GSAP: variants seen among roughly 807,000 people sequenced by gnomAD.
GSAP encodes gamma-secretase-activating protein.
GSAP carries 118 observed loss-of-function variants against 131.7 expected under a neutral mutation model. The observed-to-expected ratio is 0.90, with a 90% confidence interval of 0.77 to 1.04. The LOEUF (loss-of-function observed/expected upper bound fraction) is 1.04. Among genes scored for constraint, GSAP ranks in the 50% least tolerant of loss-of-function variants. GSAP has a pLI of 0.00. For missense variants in GSAP, 1,019 were observed against 1,013.2 expected, an observed-to-expected ratio of 1.01 and a Z score of -0.08; for synonymous variants, 381 against 363.4, an observed-to-expected ratio of 1.05 and a Z score of -0.55.
chr7:77,383,997 A>G (rs1798169995), intron 6 of GSAP, among the ~76,000 whole-genome samples: 1 of 152,256 alleles, frequency 6.6e-6, no homozygotes, highest in Non-Finnish European at 1.5e-5. Context: ...AATAAAGTCA[A>G]AATTATAAAA....
chr7:77,382,539 T>C (rs774410394), intron 7 of GSAP, 35 bp downstream of exon 7: 1 of 1,114,486 alleles, frequency 9.0e-7, no homozygotes, highest in African/African-American at 1.5e-5. Flanking sequence ...ATGCCATTCA[T>C]GAAATTCCCA....
chr7:77,320,865 G>T, intron 25 of GSAP, 46 bp from the exon 26 acceptor site: 1 of 1,152,520 alleles, frequency 8.7e-7, no homozygotes, highest in Non-Finnish European at 1.3e-6. Context: ...GAGCTCATCT[G>T]TGATGCTCCA....
chr7:77,323,188 T>C (rs1354925371), intron 24 of GSAP, among the ~76,000 whole-genome samples: 1 of 152,174 alleles, frequency 6.6e-6, no homozygotes, highest in Non-Finnish European at 1.5e-5. Flanking sequence ...GGCTACCAGG[T>C]AAGGAACTGC....
At chr7:77,366,656 G>A (rs908516895) in intron 12 of GSAP, among the ~76,000 whole-genome samples, 1 of 152,062 alleles carries the variant, frequency 6.6e-6, no homozygotes, top group Non-Finnish European at 1.5e-5. Context: ...GTTTGAAGTT[G>A]GGTAACATGA....
At chr7:77,348,936 C>CTGTG (rs143107394) in intron 19 of GSAP, among the ~76,000 whole-genome samples, 74 of 151,080 alleles carry the variant, frequency 4.9e-4, no homozygotes, top group Admixed American at 1.3e-3. Flanking sequence ...ACTGGAAATT[C>CTGTG]TGTGTGTGTG....
At chr7:77,350,125 G>A (rs549843946) in intron 18 of GSAP, among the ~76,000 whole-genome samples, 43 of 151,820 alleles carry the variant, frequency 2.8e-4, no homozygotes, top group Admixed American at 8.5e-4. Flanking sequence ...CCTTTGTAGG[G>A]ACATGGATGA....
chr7:77,401,229 A>G (rs1161447490), intron 3 of GSAP, among the ~76,000 whole-genome samples: 1 of 152,182 alleles, frequency 6.6e-6, no homozygotes, highest in Non-Finnish European at 1.5e-5. Flanking sequence ...GCAAGAGACT[A>G]CAGATTCAAT....
intron 3 of GSAP, among the ~76,000 whole-genome samples, chr7:77,402,612 A>AG: frequency 6.9e-6 from 1 of 144,640 alleles, no homozygotes; most frequent in Non-Finnish European, 1.5e-5. Context: ...AAAAAAAAAA[A>AG]AAAAGAATTT....
intron 6 of GSAP, among the ~76,000 whole-genome samples, chr7:77,386,381 T>C (rs6975666): frequency 0.36 from 55,228 of 152,008 alleles, 10,593 homozygotes; most frequent in East Asian, 0.51. Flanking sequence ...CTTTCAGGAT[T>C]TCAACATTCA....
chr7:77,330,311 C>A lies in GSAP; in HGVS notation c.1602G>T (p.Lys534Asn), dbSNP rs1292667034. The change falls in exon 20 of 31, where the codon AAG becomes AAT. Residue 534 changes from lysine (K) to asparagine (N), a missense_variant. Physicochemically the swap from Lys to Asn is moderately conservative, Grantham distance 94. Coordinates refer to ENST00000257626, the MANE Select transcript of GSAP (RefSeq NM_017439.4). Reference sequence around the variant, plus strand: ...TATAGTGGAAGTGTGGCTTGGCGTACTTAACATATTCTAGGTTGGAGTTCA... The same window carrying A: ...TATAGTGGAAGTGTGGCTTGGCGTAATTAACATATTCTAGGTTGGAGTTCA... ...EKLNSNLEYV[K>N]YAKPHFHYNN... 12 of 1,613,962 alleles carry A rather than the reference C, an allele frequency of 7.4e-6. No individual in the cohort carries two copies. The highest frequency in any genetic ancestry group is 6.7e-5 in the Admixed American group (4 of 60,008).
chr7:77,404,481 T>C (rs1801904627), intron 3 of GSAP, 78 bp downstream of exon 3: 5 of 765,452 alleles, frequency 6.5e-6, no homozygotes, highest in South Asian at 1.6e-5. Context: ...AAAGTTGGAA[T>C]TTATATCTAG....
intron 2 of GSAP, 151 bp from the exon 3 acceptor site, chr7:77,404,766 T>C: frequency 3.2e-6 from 2 of 622,424 alleles, no homozygotes; most frequent in Non-Finnish European, 5.8e-6. Context: ...CTGAATCCAG[T>C]TCAGCTAGTC....
At chr7:77,338,506 G>T (rs953673413) in intron 19 of GSAP, among the ~76,000 whole-genome samples, 1 of 152,124 alleles carries the variant, frequency 6.6e-6, no homozygotes, top group Non-Finnish European at 1.5e-5. Flanking sequence ...CCATAAACTG[G>T]ATGGCTTATC....
chr7:77,348,754 T>C (rs560174861), intron 19 of GSAP, among the ~76,000 whole-genome samples: 7 of 152,326 alleles, frequency 4.6e-5, no homozygotes, highest in Non-Finnish European at 7.3e-5. Context: ...TCCAAAACTA[T>C]TGTGAAGCCA....
At chr7:77,318,210 C>CT (rs1329301760) in intron 26 of GSAP, among the ~76,000 whole-genome samples, 4 of 152,320 alleles carry the variant, frequency 2.6e-5, no homozygotes, top group Admixed American at 2.6e-4. Context: ...CTCAACCTTT[C>CT]TGGCCTCAGT....
intron 1 of GSAP, among the ~76,000 whole-genome samples, chr7:77,412,424 T>G (rs1803446393): frequency 6.6e-6 from 1 of 152,076 alleles, no homozygotes; most frequent in South Asian, 2.1e-4. Context: ...AAGTTAATAC[T>G]AAAAATGTCT....
Position 77,396,872 on chromosome 7 carries a change from T to C in GSAP, c.367+110A>G, listed in dbSNP as rs528608426. The C allele has an allele frequency of 4.6e-5, 28 of 609,368 alleles. No homozygotes were observed. In the African/African-American group the frequency reaches 4.9e-4, roughly 11 times the overall value. The allele number at this position is 609,368 out of a possible 1,614,324, so 37.7% of individuals were successfully genotyped here. ...ATGACCTTTGCCTTTTATTCTGAGA[T>C]ACGATAAGGCTATTTCTAAAGATGC... is the stretch of plus-strand genomic sequence containing the variant. On this transcript the variant is annotated intron_variant, in intron 5 of 30. Transcript: ENST00000257626.
intron 19 of GSAP, among the ~76,000 whole-genome samples, chr7:77,332,579 T>C (rs1436468463): frequency 6.6e-6 from 1 of 152,188 alleles, no homozygotes; most frequent in African/African-American, 2.4e-5. Flanking sequence ...TCTGGGTAGA[T>C]GGTCTATAGC....
At chr7:77,332,564 G>A (rs552683329) in intron 19 of GSAP, among the ~76,000 whole-genome samples, 37 of 152,230 alleles carry the variant, frequency 2.4e-4, no homozygotes, top group African/African-American at 8.4e-4. Flanking sequence ...TTGTATGAGC[G>A]CTCTTCTGGG....
Sources: gnomAD v4.1 joint callset for allele counts (sites outside exome capture counted in the v4.1 genomes callset) on GRCh38, gnomAD v4.1.1 for gene constraint, MANE v1.5 for transcripts, NCBI Gene and HGNC (gene_info 2026-07-23, HGNC 2026-07-21) for gene names.